LRRTM4: variants seen among roughly 807,000 people sequenced by gnomAD.
LRRTM4 encodes leucine-rich repeat transmembrane neuronal protein 4.
Under a neutral mutation model 47.6 loss-of-function variants are expected in LRRTM4, and 25 were observed. The observed-to-expected ratio is 0.53, with a 90% CI of 0.38 to 0.73. The LOEUF (loss-of-function observed/expected upper bound fraction) is 0.73, where lower values mean the gene tolerates loss of function less well. Among genes scored for constraint, LRRTM4 ranks in the 30% least tolerant of loss-of-function variants. The pLI is 0.00. For missense variants in LRRTM4, 638 were observed against 713.4 expected, an observed-to-expected ratio of 0.89 and a Z score of 1.20; for synonymous variants, 311 against 269.5, an observed-to-expected ratio of 1.15 and a Z score of -1.51.
At position 76,777,315 on chromosome 2, in the gene LRRTM4, T is replaced by G. The variant is rs748876047; in HGVS notation, c.1552-28399A>C. The stretch of plus-strand genomic sequence containing the variant: ...GTGAAGAAAGGCATTGGTAGCTTGA[T>G]GGGGATGGCATTGAATCTGTAAATT... On this transcript the variant is annotated intron_variant, in intron 3 of 3. Coordinates refer to ENST00000409884, the MANE Select transcript of LRRTM4 (RefSeq NM_001134745.3). Among the ~76,000 whole-genome samples, 110 of 143,322 alleles carry G rather than the reference T, an allele frequency of 7.7e-4. 5 individuals are homozygous for G. The highest frequency in any genetic ancestry group is 4.7e-3 in the East Asian group (21 of 4,452). The allele number at this position is 143,322 out of a possible 152,430, so 94.0% of individuals were successfully genotyped here.
intron 3 of LRRTM4, among the ~76,000 whole-genome samples, chr2:77,083,423 C>T (rs1680594943): frequency 6.6e-6 from 1 of 152,088 alleles, no homozygotes; most frequent in African/African-American, 2.4e-5. Flanking sequence ...AGACTGAAGT[C>T]AGAACTTGTA....
chr2:77,473,049 G>T (rs1677251390), intron 3 of LRRTM4, among the ~76,000 whole-genome samples: 1 of 152,080 alleles, frequency 6.6e-6, no homozygotes. Flanking sequence ...GCCTAGAGTA[G>T]ATTGAAGATC....
At chr2:77,298,101 G>A (rs555726173) in intron 3 of LRRTM4, among the ~76,000 whole-genome samples, 7 of 152,140 alleles carry the variant, frequency 4.6e-5, no homozygotes, top group Admixed American at 1.3e-4. Flanking sequence ...ATCAAGAGAC[G>A]AATGGATTAA....
At chr2:77,391,590 G>A (rs1673505924) in intron 3 of LRRTM4, among the ~76,000 whole-genome samples, 2 of 151,980 alleles carry the variant, frequency 1.3e-5, no homozygotes, top group South Asian at 2.1e-4. Flanking sequence ...GCCAAGAAGT[G>A]TGCCACCTGT....
intron 3 of LRRTM4, among the ~76,000 whole-genome samples, chr2:77,034,761 T>C (rs1399388942): frequency 2.6e-5 from 4 of 151,936 alleles, no homozygotes; most frequent in Non-Finnish European, 2.9e-5. Flanking sequence ...TTGGTGATGT[T>C]TGCAATCACT....
intron 3 of LRRTM4, among the ~76,000 whole-genome samples, chr2:77,215,272 C>A (rs554168376): frequency 1.3e-5 from 2 of 152,106 alleles, no homozygotes; most frequent in East Asian, 1.9e-4. Flanking sequence ...AAGAAGATTT[C>A]GAAGGGAATG....
At chr2:77,083,350 A>G (rs1009599517) in intron 3 of LRRTM4, among the ~76,000 whole-genome samples, 1 of 152,170 alleles carries the variant, frequency 6.6e-6, no homozygotes, top group Admixed American at 6.5e-5. Flanking sequence ...TTAATATCCC[A>G]AATTCTCAGG....
At chr2:76,803,661 G>A (rs964637993) in intron 3 of LRRTM4, among the ~76,000 whole-genome samples, 2 of 152,102 alleles carry the variant, frequency 1.3e-5, no homozygotes, top group African/African-American at 2.4e-5. Flanking sequence ...AAGAGTATTT[G>A]AAGAAAAGAG....
chr2:77,348,694 A>G (rs1318406680), intron 3 of LRRTM4, among the ~76,000 whole-genome samples: 1 of 150,872 alleles, frequency 6.6e-6, no homozygotes, highest in Non-Finnish European at 1.5e-5. Flanking sequence ...CAATGAACCT[A>G]TATTTTAAAT....
intron 3 of LRRTM4, among the ~76,000 whole-genome samples, chr2:77,000,133 C>T (rs997942425): frequency 4.7e-5 from 7 of 149,588 alleles, no homozygotes; most frequent in South Asian, 2.1e-4. Flanking sequence ...ATGGCTGATA[C>T]GGAGAAAGAG....
intron 3 of LRRTM4, among the ~76,000 whole-genome samples, chr2:77,457,371 T>C (rs1381192902): frequency 1.3e-5 from 2 of 151,974 alleles, no homozygotes; most frequent in Non-Finnish European, 2.9e-5. Context: ...TGTATCTAAA[T>C]ACTCTTCAAG....
rs149461908 is a variant in LRRTM4 at position 77,078,593 on chromosome 2, A to G, written c.1552-329677T>C. Among the ~76,000 whole-genome samples, 72 of 152,300 alleles carry G rather than the reference A, an allele frequency of 4.7e-4. 1 individual carries two copies. The highest frequency in any genetic ancestry group is 3.4e-3 in the Middle Eastern group (1 of 294). On this transcript the variant is annotated intron_variant, in intron 3 of 3. Transcript: ENST00000409884. ...TTGTATGGATAAGCTGTCATGATTT[A>G]TGGTAAAACAATTGCCATTATGTTG...
At chr2:77,345,564 TG>T (rs1671531227) in intron 3 of LRRTM4, among the ~76,000 whole-genome samples, 1 of 151,994 alleles carries the variant, frequency 6.6e-6, no homozygotes, top group South Asian at 2.1e-4. Flanking sequence ...TAATCTTCTT[TG>T]TCATTAGGAT....
intron 3 of LRRTM4, among the ~76,000 whole-genome samples, chr2:77,144,797 G>A (rs1400771370): frequency 6.6e-6 from 1 of 152,072 alleles, no homozygotes; most frequent in Admixed American, 6.6e-5. Context: ...CAAATAAAGA[G>A]ATTCAGCAAT....
intron 3 of LRRTM4, among the ~76,000 whole-genome samples, chr2:77,211,273 A>G (rs953506530): frequency 1.3e-5 from 2 of 152,194 alleles, no homozygotes; most frequent in African/African-American, 4.8e-5. Flanking sequence ...AAGGACAGAT[A>G]AGGGGACACT....
intron 3 of LRRTM4, among the ~76,000 whole-genome samples, chr2:77,197,223 T>A (rs1352902706): frequency 6.6e-6 from 1 of 152,172 alleles, no homozygotes; most frequent in Non-Finnish European, 1.5e-5. Flanking sequence ...AAATGTACTA[T>A]GAATAAATTA....
At chr2:77,328,822 T>C (rs146305574) in intron 3 of LRRTM4, among the ~76,000 whole-genome samples, 85 of 152,310 alleles carry the variant, frequency 5.6e-4, no homozygotes, top group African/African-American at 2.0e-3. Flanking sequence ...AAATGGCTTC[T>C]ATGCTTCAGT....
intron 3 of LRRTM4, among the ~76,000 whole-genome samples, chr2:76,914,143 C>T (rs931864234): frequency 9.2e-5 from 14 of 151,832 alleles, no homozygotes; most frequent in Middle Eastern, 3.2e-3. Context: ...TCTTTGTAGT[C>T]TATTCATGTT....
rs190345929 is a variant in LRRTM4 at position 77,112,326 on chromosome 2, A to G, written c.1552-363410T>C. ...CTCTTTATTTTCTTGAATAACCAAG[A>G]AAGAATTTAAGCCACCAGTTTCTAC... On this transcript the variant is annotated intron_variant, in intron 3 of 3. Coordinates refer to ENST00000409884, the MANE Select transcript of LRRTM4 (RefSeq NM_001134745.3). Among the ~76,000 whole-genome samples the G allele has an allele frequency of 1.5e-4, 23 of 152,314 alleles. 1 individual carries two copies. The highest frequency in any genetic ancestry group is 5.5e-4 in the African/African-American group (23 of 41,566).
Sources: gnomAD v4.1 joint callset for allele counts (sites outside exome capture counted in the v4.1 genomes callset) on GRCh38, gnomAD v4.1.1 for gene constraint, MANE v1.5 for transcripts, NCBI Gene and HGNC (gene_info 2026-07-23, HGNC 2026-07-21) for gene names.